Variants in RBFOX1 observed in about 807,000 individuals in gnomAD.
The protein encoded by RBFOX1 is RNA binding fox-1 homolog 1.
In RBFOX1, 8 loss-of-function variants were observed where a neutral mutation model predicts 57.7. The observed-to-expected ratio is 0.14, with a 90% confidence interval of 0.08 to 0.25. RBFOX1 has a LOEUF of 0.25. Ranked by LOEUF, RBFOX1 falls within the 10% of genes least tolerant of loss-of-function variation. The probability of loss-of-function intolerance (pLI) is 1.00; values close to 1 mark genes in which losing one functional copy is unlikely to be tolerated. For missense variants in RBFOX1, 611 were observed against 548.5 expected, an observed-to-expected ratio of 1.11 and a Z score of -1.14; for synonymous variants, 326 against 222.4, an observed-to-expected ratio of 1.47 and a Z score of -4.15.
chr16:7,386,450 C>A (rs6500952), intron 4 of RBFOX1, among the ~76,000 whole-genome samples: 76,511 of 149,072 alleles, frequency 0.51, 20,070 homozygotes, highest in East Asian at 0.76. Flanking sequence ...TCATTGTTCA[C>A]CTCCCACTTA....
At chr16:7,160,398 A>G (rs944493884) in intron 4 of RBFOX1, among the ~76,000 whole-genome samples, 6 of 152,040 alleles carry the variant, frequency 3.9e-5, no homozygotes, top group East Asian at 3.9e-4. Context: ...TGTACTTTTC[A>G]TCTTCTTCCT....
chr16:7,069,115 C>T (rs965939901), intron 4 of RBFOX1, among the ~76,000 whole-genome samples: 1 of 152,174 alleles, frequency 6.6e-6, no homozygotes, highest in Admixed American at 6.5e-5. Flanking sequence ...TTTTATCACC[C>T]ACTCCTTTAT....
chr16:6,936,600 T>A (rs1313425672), intron 3 of RBFOX1, among the ~76,000 whole-genome samples: 1 of 152,112 alleles, frequency 6.6e-6, no homozygotes, highest in Admixed American at 6.6e-5. Context: ...CCTAAGCACT[T>A]GACATCCCTA....
chr16:7,127,054 T>G (rs182653214), intron 4 of RBFOX1, among the ~76,000 whole-genome samples: 2 of 151,276 alleles, frequency 1.3e-5, no homozygotes, highest in East Asian at 3.9e-4. Context: ...AGAGAAAATC[T>G]GGTTGGTCCT....
At position 6,780,319 on chromosome 16, in the gene RBFOX1, ATATT is replaced by A. The variant is rs1477121737; in HGVS notation, c.-16+125673_-16+125676del. Among the ~76,000 whole-genome samples, 19 of 76,954 alleles carry A rather than the reference ATATT, an allele frequency of 2.5e-4. 1 individual carries two copies. Among genetic ancestry groups the A allele is most frequent in the South Asian group, 5.5e-4 (1 of 1,820 alleles). 50.5% of individuals were successfully genotyped at this position (76,954 alleles called of 152,430 possible). On this transcript the variant is annotated intron_variant, in intron 3 of 15. Coordinates refer to ENST00000550418, the MANE Select transcript of RBFOX1 (RefSeq NM_018723.4). Reference sequence around the variant, plus strand: ...TATTTATACATATATATATTTATTCATATTTATATATATTTATACATATTTATAT... The same window carrying A: ...TATTTATACATATATATATTTATTCATATATATATTTATACATATTTATAT...
rs397954382 is a variant in RBFOX1, at chr16:7,576,110, T to TTA, written c.271-3667_271-3666insTA. Among the ~76,000 whole-genome samples, 12 of 151,444 alleles carry TTA rather than the reference T, an allele frequency of 7.9e-5. 1 individual carries two copies. Among genetic ancestry groups the TTA allele is most frequent in the African/African-American group, 2.7e-4 (11 of 41,136 alleles). ...CATGATCAGCTATTTTTTTTTTTTT[T>TTA]AATTTATTTAGTGGAGACAGGGTCT... On this transcript the variant is annotated intron_variant, in intron 5 of 15. Transcript: ENST00000550418.
chr16:7,499,062 C>G (rs754085234), intron 4 of RBFOX1, among the ~76,000 whole-genome samples: 5 of 152,240 alleles, frequency 3.3e-5, no homozygotes, highest in Non-Finnish European at 7.4e-5. Context: ...GTATTAATTT[C>G]CCAGGGCTAC....
rs114998880 is a variant in RBFOX1, at chr16:7,043,497, G to A, written c.-15-8560G>A. ...GGGCTCACCCTAGGTACTTGGAGACGTGCGTTTATAGGAAAATGCCATCTT... is the reference window on the plus strand; with the variant it reads ...GGGCTCACCCTAGGTACTTGGAGACATGCGTTTATAGGAAAATGCCATCTT... On this transcript the variant is annotated intron_variant, in intron 3 of 15. Coordinates refer to ENST00000550418, the MANE Select transcript of RBFOX1 (RefSeq NM_018723.4). Among the ~76,000 whole-genome samples, 1,013 of 152,258 alleles carry A rather than the reference G, an allele frequency of 6.7e-3. 12 individuals are homozygous for A. The highest frequency in any genetic ancestry group is 0.023 in the African/African-American group (959 of 41,546).
intron 4 of RBFOX1, among the ~76,000 whole-genome samples, chr16:7,500,610 T>A (rs544681913): frequency 1.3e-5 from 2 of 152,344 alleles, no homozygotes; most frequent in South Asian, 4.1e-4. Flanking sequence ...CCTCTAGGGT[T>A]CATATCACTA....
chr16:5,435,575 C>A (rs2067891405), intron 1 of RBFOX1, among the ~76,000 whole-genome samples: 1 of 152,146 alleles, frequency 6.6e-6, no homozygotes, highest in African/African-American at 2.4e-5. Context: ...CGTCACCACC[C>A]ACTGAGACAC....
Position 6,660,180 on chromosome 16 carries a change from C to T in RBFOX1, c.-16+5530C>T, listed in dbSNP as rs145644338. 8.8e-3 allele frequency among the ~76,000 whole-genome samples: 1,320 copies of T among 150,674 alleles called. 9 individuals are homozygous for T. The highest frequency in any genetic ancestry group is 0.017 in the Middle Eastern group (5 of 292). ...CAGAGGTTGCAGTGAGCTGAGATCTCGCCATTGCCCTTCAGCCTGGGCAAT... is the reference window on the plus strand; with the variant it reads ...CAGAGGTTGCAGTGAGCTGAGATCTTGCCATTGCCCTTCAGCCTGGGCAAT... On this transcript the variant is annotated intron_variant, in intron 3 of 15. Transcript: ENST00000550418.
At chr16:5,790,104 C>T (rs1265165312) in intron 3 of RBFOX1, among the ~76,000 whole-genome samples, 7 of 152,346 alleles carry the variant, frequency 4.6e-5, no homozygotes, top group African/African-American at 1.4e-4. Flanking sequence ...GGCCTTCCTC[C>T]ATCTTCAGCA....
chr16:7,201,139 A>G (rs1169915293), intron 4 of RBFOX1, among the ~76,000 whole-genome samples: 1 of 152,188 alleles, frequency 6.6e-6, no homozygotes, highest in Non-Finnish European at 1.5e-5. Flanking sequence ...GATATGAGAG[A>G]GAGGAATTGG....
At chr16:6,391,472 T>G (rs1344302694) in intron 2 of RBFOX1, among the ~76,000 whole-genome samples, 1 of 145,810 alleles carries the variant, frequency 6.9e-6, no homozygotes, top group African/African-American at 2.6e-5. Context: ...ATCGCACCAC[T>G]GCACTCCAGC....
At chr16:6,694,677 G>A (rs2060748983) in intron 3 of RBFOX1, among the ~76,000 whole-genome samples, 1 of 152,154 alleles carries the variant, frequency 6.6e-6, no homozygotes, top group African/African-American at 2.4e-5. Context: ...ATGGTAGCAA[G>A]ATGGCCACCA....
intron 1 of RBFOX1, among the ~76,000 whole-genome samples, chr16:6,065,997 C>A (rs1486312828): frequency 6.6e-6 from 1 of 152,128 alleles, no homozygotes; most frequent in Admixed American, 6.5e-5. Flanking sequence ...CCGACTTCAA[C>A]ACTTTAATGG....
intron 4 of RBFOX1, among the ~76,000 whole-genome samples, chr16:7,451,273 T>G (rs1363875218): frequency 2.0e-5 from 3 of 152,224 alleles, no homozygotes; most frequent in Admixed American, 6.5e-5. Context: ...GCTATGTACT[T>G]ATTCTGTGCA....
intron 3 of RBFOX1, among the ~76,000 whole-genome samples, chr16:7,041,258 A>C (rs1341306650): frequency 1.3e-5 from 2 of 151,940 alleles, no homozygotes; most frequent in Non-Finnish European, 2.9e-5. Flanking sequence ...TTATTGGAAC[A>C]CAGTGGCACC....
chr16:5,808,531 T>C (rs1050585073), intron 3 of RBFOX1, among the ~76,000 whole-genome samples: 3 of 152,234 alleles, frequency 2.0e-5, no homozygotes, highest in African/African-American at 4.8e-5. Context: ...TTTCACGATA[T>C]TGATTCTTCC....
Sources: allele counts gnomAD v4.1 joint callset (sites outside exome capture counted in the v4.1 genomes callset), GRCh38; gene constraint gnomAD v4.1.1; transcripts MANE v1.5; gene names NCBI Gene and HGNC (gene_info 2026-07-23, HGNC 2026-07-21).